RRAGB: variants seen among roughly 807,000 people sequenced by gnomAD.
The protein encoded by RRAGB is Ras related GTP binding B, also known as ras-related GTP-binding protein B.
RRAGB carries 6 observed loss-of-function variants against 29.3 expected under a neutral mutation model. That is an observed-to-expected ratio of 0.21 (90% CI 0.11 to 0.40). The LOEUF is 0.40. Ranked by LOEUF, RRAGB falls within the 10% of genes least tolerant of loss-of-function variation. The pLI is 1.00. For synonymous variants in RRAGB, 101 were observed against 92.5 expected, an observed-to-expected ratio of 1.09 and a Z score of -0.53; for missense variants, 184 against 272.9, an observed-to-expected ratio of 0.67 and a Z score of 2.29.
intron 3 of RRAGB, among the ~76,000 whole-genome samples, chrX:55,724,023 G>A (rs781193737): frequency 8.9e-6 from 1 of 112,507 alleles, no homozygotes; most frequent in Non-Finnish European, 1.9e-5. Flanking sequence ...TCAGGGCAGA[G>A]TGGGCCTATC....
At chrX:55,747,601 T>A (rs1484933759) in intron 5 of RRAGB, among the ~76,000 whole-genome samples, 1 of 112,068 alleles carries the variant, frequency 8.9e-6, no homozygotes, top group East Asian at 2.8e-4. Flanking sequence ...CGAAATTATG[T>A]ATGTGGTCAC....
intron 5 of RRAGB, among the ~76,000 whole-genome samples, chrX:55,744,303 C>A (rs2034173697): frequency 1.0e-5 from 1 of 98,914 alleles, no homozygotes; most frequent in Admixed American, 1.2e-4. Flanking sequence ...GGCTGAGGCA[C>A]AAGAATTGCT....
chrX:55,745,532 A>G (rs937673086), intron 5 of RRAGB, among the ~76,000 whole-genome samples: 5 of 112,648 alleles, frequency 4.4e-5, no homozygotes, highest in African/African-American at 1.6e-4. Flanking sequence ...ATGACAGTCC[A>G]CTGTCCAGGA....
Position 55,736,332 on chromosome X carries a change from G to T in RRAGB, c.516+4746G>T, listed in dbSNP as rs183507153. Among the ~76,000 whole-genome samples, 432 of 111,923 alleles carry T rather than the reference G, an allele frequency of 3.9e-3. 1 individual carries two copies. Among genetic ancestry groups the T allele is most frequent in the African/African-American group, 0.013 (404 of 30,869 alleles). The stretch of plus-strand genomic sequence containing the variant: ...CCTTTTTTAAAATTTTTATCTGATT[G>T]TGTTAATTTGAAAGCCTTGTCTTCA... On this transcript the variant is annotated intron_variant, in intron 5 of 9. Transcript: ENST00000374941.
intron 5 of RRAGB, among the ~76,000 whole-genome samples, chrX:55,741,453 A>G (rs1021950791): frequency 8.9e-6 from 1 of 112,503 alleles, no homozygotes; most frequent in African/African-American, 3.2e-5. Flanking sequence ...GTAATAAGTC[A>G]TTAGCAAAAA....
chrX:55,724,414 T>A (rs989268754), intron 3 of RRAGB, among the ~76,000 whole-genome samples: 50 of 112,148 alleles, frequency 4.5e-4, no homozygotes, highest in Non-Finnish European at 5.6e-4. Flanking sequence ...TTAGTTATCT[T>A]TCCTAACTCT....
intron 1 of RRAGB, among the ~76,000 whole-genome samples, 183 bp downstream of exon 1, chrX:55,718,602 C>G (rs987143299): frequency 8.9e-6 from 1 of 112,024 alleles, no homozygotes; most frequent in Non-Finnish European, 1.9e-5. Flanking sequence ...GCTAACTGAT[C>G]AGAAACAACC....
At chrX:55,723,068 C>G (rs1289339191) in intron 3 of RRAGB, among the ~76,000 whole-genome samples, 2 of 111,529 alleles carry the variant, frequency 1.8e-5, no homozygotes, top group Non-Finnish European at 3.8e-5. Context: ...AGAAGGAAAC[C>G]TCATTTCTGT....
At chrX:55,729,489 G>T in intron 4 of RRAGB, 129 bp downstream of exon 4, 1 of 430,756 alleles carries the variant, frequency 2.3e-6, no homozygotes, top group Non-Finnish European at 4.1e-6. Context: ...CTTTAAAATT[G>T]ACACTTGAGT....
intron 7 of RRAGB, chrX:55,754,995 G>A: frequency 1.9e-6 from 1 of 528,626 alleles, no homozygotes; most frequent in Non-Finnish European, 2.3e-6. Flanking sequence ...GCCACACATG[G>A]TTGTAGAGGT....
In RRAGB at chrX:55,758,390, A is replaced by C; in HGVS notation, c.*47A>C. On this transcript the variant is annotated 3_prime_UTR_variant, in exon 10 of 10. Transcript: ENST00000374941. ...CACAAAAATTAAAAGTTTCCTAATT[A>C]ATGTTGTATTCATATATGTAGGCTC... 1 of 894,186 alleles carries C rather than the reference A, an allele frequency of 1.1e-6. No homozygotes were observed. The highest frequency in any genetic ancestry group is 1.6e-6 in the Non-Finnish European group (1 of 625,124). The allele number at this position is 894,186 out of a possible 1,213,427, so 73.7% of individuals were successfully genotyped here.
chrX:55,730,167 C>T (rs1223982450), intron 4 of RRAGB, among the ~76,000 whole-genome samples: 3 of 112,163 alleles, frequency 2.7e-5, no homozygotes, highest in South Asian at 3.7e-4. Flanking sequence ...CAGTGTATCT[C>T]GCTCTTAGCA....
intron 5 of RRAGB, among the ~76,000 whole-genome samples, chrX:55,748,378 G>A (rs1287888108): frequency 1.8e-5 from 2 of 109,135 alleles, no homozygotes; most frequent in Non-Finnish European, 3.8e-5. Flanking sequence ...AGTCTGGAAA[G>A]TGAGGAGCGT....
rs1407393736 is a variant in RRAGB, at chrX:55,718,348, G to C, written c.21G>C (p.Glu7Asp). MEESDS[E>D]KTTEKENLGP... ...GCGCAATGGAAGAATCTGACTCTGA[G>C]AAAACGACGGAGAAAGAAAATCTGG... The change falls in exon 1 of 10, where the codon GAG becomes GAC. Residue 7 changes from glutamate to aspartate, a missense_variant. Glu to Asp is a conservative substitution (Grantham distance 45). Coordinates refer to ENST00000374941, the MANE Select transcript of RRAGB (RefSeq NM_006064.5). The C allele has an allele frequency of 6.6e-6, 8 of 1,204,732 alleles. No homozygotes were observed. In the African/African-American group the frequency reaches 7.0e-5, roughly 11 times the overall value.
At chrX:55,748,970 G>GC (rs560815812) in intron 5 of RRAGB, among the ~76,000 whole-genome samples, 17,365 of 77,453 alleles carry the variant, frequency 0.22, 2,588 homozygotes, top group Admixed American at 0.33. Flanking sequence ...GGGGGAGTCA[G>GC]CCCCCCCGCC....
At chrX:55,746,430 G>T (rs181324298) in intron 5 of RRAGB, among the ~76,000 whole-genome samples, 1 of 111,376 alleles carries the variant, frequency 9.0e-6, no homozygotes, top group Non-Finnish European at 1.9e-5. Flanking sequence ...GCCCCCACTT[G>T]GTTCCTGCCA....
chrX:55,718,136 G>C lies in RRAGB; in HGVS notation c.-192G>C. ...TCGGCCGTGCCTTGAGGCCAGGTTC[G>C]AGAGATAAAGGTAACCGTGGGGAAA... On this transcript the variant is annotated 5_prime_UTR_variant, in exon 1 of 10. Transcript: ENST00000374941. 1 of 318,048 alleles carries C rather than the reference G, an allele frequency of 3.1e-6. No homozygotes were observed. Among genetic ancestry groups the C allele is most frequent in the East Asian group, 4.6e-5 (1 of 21,907 alleles). 26.2% of individuals were successfully genotyped at this position (318,048 alleles called of 1,213,427 possible). A position where few individuals can be genotyped will look rare whatever the true frequency, so the allele number is the denominator to read the frequency against.
At position 55,755,827 on chromosome X, in the gene RRAGB, AT is replaced by A; in HGVS notation, c.736-12del. 1 of 1,188,718 alleles carries A rather than the reference AT, an allele frequency of 8.4e-7. No homozygotes were observed. Among genetic ancestry groups the A allele is most frequent in the Non-Finnish European group, 1.1e-6 (1 of 876,070 alleles). On this transcript the variant is annotated splice_polypyrimidine_tract_variant and intron_variant, in intron 7 of 9. Transcript: ENST00000374941. The stretch of plus-strand genomic sequence containing the variant: ...ATTTTGCATGGATTCAAAGGACAAT[AT>A]TCTTTTTCATAGGTAATTTCTCACT...
chrX:55,749,320 G>C (rs1225195002), intron 5 of RRAGB, among the ~76,000 whole-genome samples: 2 of 92,302 alleles, frequency 2.2e-5, no homozygotes, highest in African/African-American at 8.2e-5. Context: ...AGGTGGGGGG[G>C]TCAGTCCCCA....
Sources: gnomAD v4.1 joint callset for allele counts (sites outside exome capture counted in the v4.1 genomes callset) on GRCh38, gnomAD v4.1.1 for gene constraint, MANE v1.5 for transcripts, NCBI Gene and HGNC (gene_info 2026-07-23, HGNC 2026-07-21) for gene names.